DCN: variants seen among roughly 807,000 people sequenced by gnomAD.
DCN encodes bone proteoglycan II.
In DCN, 17 loss-of-function variants were observed where a neutral mutation model predicts 36.5. That is an observed-to-expected ratio of 0.47 (90% CI 0.32 to 0.70). DCN has a LOEUF of 0.70. Among genes scored for constraint, DCN ranks in the 30% least tolerant of loss-of-function variants. The probability of loss-of-function intolerance (pLI) is 0.04; values close to 1 mark genes in which losing one functional copy is unlikely to be tolerated. For missense variants in DCN, 389 were observed against 430.1 expected (o/e 0.90, Z 0.84); for synonymous variants, 163 against 161.4 (o/e 1.01, Z -0.07).
intron 6 of DCN, among the ~76,000 whole-genome samples, chr12:91,152,639 G>A (rs1314904730): frequency 6.6e-6 from 1 of 152,082 alleles, no homozygotes; most frequent in Non-Finnish European, 1.5e-5. Flanking sequence ...ACTTTTCAGA[G>A]AAGAGGGGGT....
At chr12:91,173,337 C>T (rs1338997354) in intron 2 of DCN, among the ~76,000 whole-genome samples, 1 of 152,130 alleles carries the variant, frequency 6.6e-6, no homozygotes, top group Non-Finnish European at 1.5e-5. Context: ...AGCTGCCTCT[C>T]TCTCCCTCCT....
At chr12:91,167,760 G>T (rs1416590448) in intron 2 of DCN, among the ~76,000 whole-genome samples, 1 of 152,118 alleles carries the variant, frequency 6.6e-6, no homozygotes, top group East Asian at 1.9e-4. Flanking sequence ...CTTATCTAAG[G>T]TGCCTCATGG....
intron 2 of DCN, chr12:91,177,523 G>A (rs1475604983): frequency 2.9e-6 from 2 of 700,428 alleles, no homozygotes; most frequent in East Asian, 2.7e-5. Flanking sequence ...GAGCTGCCAT[G>A]TAAACTGAGT....
chr12:91,158,093 C>G (rs1425292689), intron 4 of DCN, among the ~76,000 whole-genome samples: 1 of 152,168 alleles, frequency 6.6e-6, no homozygotes, highest in Non-Finnish European at 1.5e-5. Flanking sequence ...TCCATATTCT[C>G]AGATACTCAA....
chr12:91,162,301 C>T (rs1207697011), intron 3 of DCN, among the ~76,000 whole-genome samples: 1 of 152,052 alleles, frequency 6.6e-6, no homozygotes, highest in East Asian at 1.9e-4. Flanking sequence ...AATTTTTCTT[C>T]CTTTAAAAAA....
intron 7 of DCN, 146 bp downstream of exon 7, chr12:91,151,508 T>G: frequency 1.2e-6 from 1 of 826,518 alleles, no homozygotes; most frequent in South Asian, 1.5e-5. Context: ...TTAATTTTTT[T>G]TATGGTATTT....
chr12:91,142,394 C>T lies in DCN; in HGVS notation c.*3664G>A, dbSNP rs889542092. The T allele has an allele frequency of 3.9e-5, 6 of 151,930 alleles. No homozygotes were observed. Among genetic ancestry groups the T allele is most frequent in the African/African-American group, 7.3e-5 (3 of 41,342 alleles). 9.4% of individuals were successfully genotyped at this position (151,930 alleles called of 1,614,324 possible). ...TTGAGGGATTAGGCAATTCTTCCTT[C>T]GTATAAAGATAAGATTATGATATCC... On this transcript the variant is annotated 3_prime_UTR_variant, in exon 8 of 8. Coordinates refer to ENST00000052754, the MANE Select transcript of DCN (RefSeq NM_001920.5).
At chr12:91,173,929 C>T (rs1160216188) in intron 2 of DCN, among the ~76,000 whole-genome samples, 1 of 152,100 alleles carries the variant, frequency 6.6e-6, no homozygotes, top group African/African-American at 2.4e-5. Context: ...GAAGCAACTA[C>T]ATAATTTAAA....
At chr12:91,169,147 A>G (rs934463244) in intron 2 of DCN, among the ~76,000 whole-genome samples, 5 of 152,162 alleles carry the variant, frequency 3.3e-5, no homozygotes, top group African/African-American at 1.2e-4. Context: ...CTCTAATTCC[A>G]GAACTTTTGG....
intron 1 of DCN, chr12:91,180,712 T>G (rs961734094): frequency 2.0e-5 from 3 of 152,174 alleles, no homozygotes; most frequent in Admixed American, 6.5e-5. Context: ...AGAAGACTTT[T>G]GTTTTGGCAG....
At chr12:91,163,957 G>T (rs1245450688) in intron 3 of DCN, among the ~76,000 whole-genome samples, 1 of 152,052 alleles carries the variant, frequency 6.6e-6, no homozygotes, top group Admixed American at 6.5e-5. Flanking sequence ...TTTTATTCCT[G>T]AAAACGTGAG....
At chr12:91,171,063 A>G (rs1882926714) in intron 2 of DCN, among the ~76,000 whole-genome samples, 1 of 152,152 alleles carries the variant, frequency 6.6e-6, no homozygotes, top group Non-Finnish European at 1.5e-5. Context: ...AAATGTTAGC[A>G]TTTTAAATTA....
chr12:91,181,902 G>GAA (rs150441938), intron 1 of DCN, among the ~76,000 whole-genome samples: 11 of 146,970 alleles, frequency 7.5e-5, no homozygotes, highest in African/African-American at 1.7e-4. Context: ...ACAGCAACAG[G>GAA]AAAAAAAAAA....
At chr12:91,158,592 T>C in intron 3 of DCN, 83 bp from the exon 4 acceptor site, 1 of 801,206 alleles carries the variant, frequency 1.2e-6, no homozygotes, top group Non-Finnish European at 2.2e-6. Flanking sequence ...GTTCATTCCA[T>C]TCATAGGGAT....
chr12:91,178,543 T>C lies in DCN; in HGVS notation c.10A>G (p.Thr4Ala), dbSNP rs1011057527. 1 of 1,613,702 alleles carries C rather than the reference T, an allele frequency of 6.2e-7. No individual in the cohort carries two copies. The highest frequency in any genetic ancestry group is 8.5e-7 in the Non-Finnish European group (1 of 1,179,848). Reference protein sequence around the residue: MKATIILLLLAQVS... With the variant: MKAAIILLLLAQVS... ...TGTGCAAGCAGAAGGAGGATGATAG[T>C]GGCCTTCATGATTTATCTCATGTAT... is the stretch of plus-strand genomic sequence containing the variant. Residue 4 changes from threonine to alanine, a missense_variant, in exon 2 of 8, where the codon ACT (threonine) becomes GCT (alanine). By Grantham distance (58) the Thr-to-Ala change is moderately conservative. Coordinates refer to ENST00000052754, the MANE Select transcript of DCN (RefSeq NM_001920.5).
rs78644980 is a variant in DCN at position 91,168,895 on chromosome 12, T to C, written c.212-4178A>G. 9.3e-3 allele frequency among the ~76,000 whole-genome samples: 1,414 copies of C among 152,336 alleles called. 30 individuals are homozygous for C. The highest frequency in any genetic ancestry group is 0.083 in the East Asian group (431 of 5,172). On this transcript the variant is annotated intron_variant, in intron 2 of 7. Coordinates refer to ENST00000052754, the MANE Select transcript of DCN (RefSeq NM_001920.5). The stretch of plus-strand genomic sequence containing the variant: ...CAAGAAGACTGATTTTTCTGTCTAA[T>C]AGAGTGACTACTCCAGCAGTAAGAG...
rs578248267 is a variant in DCN, at chr12:91,160,951, T to C, written c.325-2442A>G. Among the ~76,000 whole-genome samples, 13 of 152,296 alleles carry C rather than the reference T, an allele frequency of 8.5e-5. 1 individual carries two copies. In the East Asian group the frequency reaches 2.5e-3, roughly 29 times the overall value. On this transcript the variant is annotated intron_variant, in intron 3 of 7. Transcript: ENST00000052754. Reference sequence around the variant, plus strand: ...CATAATGAAGCACATACAGGGAACATGATTCTGTTAAATTCTTTCTATTTT... The same window carrying C: ...CATAATGAAGCACATACAGGGAACACGATTCTGTTAAATTCTTTCTATTTT...
intron 2 of DCN, among the ~76,000 whole-genome samples, chr12:91,167,253 A>G (rs1882627304): frequency 6.6e-6 from 1 of 152,200 alleles, no homozygotes; most frequent in Non-Finnish European, 1.5e-5. Context: ...GACAAGAGAC[A>G]GAGTATAATG....
intron 3 of DCN, among the ~76,000 whole-genome samples, chr12:91,162,043 C>A (rs770061509): frequency 1.3e-5 from 2 of 151,736 alleles, no homozygotes; most frequent in East Asian, 3.9e-4. Context: ...TGGGTTCAAG[C>A]GATTCTCCTG....
Sources: gnomAD v4.1 joint callset for allele counts (sites outside exome capture counted in the v4.1 genomes callset) on GRCh38, gnomAD v4.1.1 for gene constraint, MANE v1.5 for transcripts, NCBI Gene and HGNC (gene_info 2026-07-23, HGNC 2026-07-21) for gene names.